NBPF20: variants seen among roughly 807,000 people sequenced by gnomAD.
The protein encoded by NBPF20 is NBPF member 20, also known as NBPF family member NBPF20.
In NBPF20, 90 loss-of-function variants were observed where a neutral mutation model predicts 68.1. The observed-to-expected ratio is 1.32, with a 90% CI of 1.11 to 1.58. The LOEUF (loss-of-function observed/expected upper bound fraction) is 1.58. Among genes scored for constraint, NBPF20 ranks in the 40% most tolerant of loss-of-function variants. The pLI, the probability that NBPF20 is intolerant of heterozygous loss-of-function variation, is 0.00. For synonymous variants in NBPF20, 290 were observed against 228.1 expected (o/e 1.27, Z -2.45); for missense variants, 816 against 601.2 (o/e 1.36, Z -3.74).
At chr1:145,311,809 G>A (rs1661489062) in intron 112 of NBPF20, among the ~76,000 whole-genome samples, 5 of 95,064 alleles carry the variant, frequency 5.3e-5, no homozygotes, top group Non-Finnish European at 1.0e-4. Flanking sequence ...GAGAAAAACT[G>A]CACTATTCAG....
chr1:145,352,332 C>A lies in NBPF20; in HGVS notation c.7350-243G>T, dbSNP rs1162224949. 2.2e-5 allele frequency among the ~76,000 whole-genome samples: 2 copies of A among 89,386 alleles called. 1 individual carries two copies. Among genetic ancestry groups the A allele is most frequent in the East Asian group, 6.8e-4 (2 of 2,958 alleles). 58.6% of individuals were successfully genotyped at this position (89,386 alleles called of 152,430 possible). ...ACACACACACACACACACACACAGA[C>A]ACACACACACACACAGAGAGAACGA... On this transcript the variant is annotated intron_variant, in intron 61 of 137. Coordinates refer to ENST00000369373, the Ensembl canonical transcript of NBPF20.
intron 6 of NBPF20, among the ~76,000 whole-genome samples, 152 bp from the exon 12 acceptor site, chr1:145,399,252 T>G (rs1662397277): frequency 6.6e-6 from 1 of 152,066 alleles, no homozygotes; most frequent in African/African-American, 2.4e-5. Context: ...CTAGATTAAC[T>G]TTGGTGAGAA....
chr1:145,338,027 A>AC, intron 79 of NBPF20, among the ~76,000 whole-genome samples: 1 of 94,464 alleles, frequency 1.1e-5, no homozygotes, highest in Middle Eastern at 5.7e-3. Context: ...ACACACACAC[A>AC]CACACACACA....
chr1:145,410,870 TG>T, the NBPF20 span, among the ~76,000 whole-genome samples: 2 of 135,892 alleles, frequency 1.5e-5, no homozygotes, highest in Admixed American at 7.3e-5. Flanking sequence ...TTCAAAACGG[TG>T]AATATATATA....
Position 145,397,704 on chromosome 1 carries a change from A to G in NBPF20, c.827+1345T>C, listed in dbSNP as rs1414090835. Among the ~76,000 whole-genome samples the G allele has an allele frequency of 2.0e-5, 3 of 152,354 alleles. No homozygotes were observed. In the South Asian group the frequency reaches 6.2e-4, roughly 32 times the overall value. ...ATGGGCGAAATAACCAGCTAATATC[A>G]TAACGACAGGATCAAATTCACACAT... On this transcript the variant is annotated intron_variant, in intron 7 of 137. Transcript: ENST00000369373.
chr1:145,393,707 G>A (rs1485419806), intron 9 of NBPF20, 177 bp downstream of exon 14: 4 of 1,475,870 alleles, frequency 2.7e-6, no homozygotes. Flanking sequence ...GATAAGGGTA[G>A]GAAGAAATGG....
chr1:145,394,181 C>T (rs1425457018), intron 8 of NBPF20, among the ~76,000 whole-genome samples: 4 of 152,122 alleles, frequency 2.6e-5, no homozygotes, highest in African/African-American at 7.2e-5. Flanking sequence ...CTGTCCTAGG[C>T]TTCTGTACAC....
chr1:145,393,580 A>T (rs1219734018), intron 9 of NBPF20: 6 of 647,060 alleles, frequency 9.3e-6, no homozygotes, highest in East Asian at 2.7e-5. Flanking sequence ...CACTGTGAAC[A>T]GTGATCATGA....
chr1:145,291,529 T>C (rs372081131), exon 138 of NBPF20: 5 of 1,612,028 alleles, frequency 3.1e-6, no homozygotes, highest in African/African-American at 2.7e-5. Context: ...GGGCTGTTTA[T>C]TGTGGGAATA....
At chr1:145,408,504 C>A (rs1381849890), upstream of NBPF20, among the ~76,000 whole-genome samples, 9 of 152,164 alleles carry the variant, frequency 5.9e-5, no homozygotes, top group African/African-American at 2.2e-4. Flanking sequence ...ACCATTACTA[C>A]TGTTTTAAAA....
intron 137 of NBPF20, among the ~76,000 whole-genome samples, chr1:145,292,027 T>A (rs1221008499): frequency 1.4e-4 from 21 of 149,510 alleles, no homozygotes; most frequent in Non-Finnish European, 2.8e-4. Context: ...CCAGGTGACA[T>A]ACTGGTAAGG....
At chr1:145,298,351 C>G (rs1225923342) in intron 129 of NBPF20, among the ~76,000 whole-genome samples, 7 of 142,196 alleles carry the variant, frequency 4.9e-5, no homozygotes, top group African/African-American at 1.8e-4. Flanking sequence ...CACACACACA[C>G]ACACAGACAC....
At chr1:145,295,054 A>T in intron 133 of NBPF20, 100 bp from the exon 139 acceptor site, 1 of 396,950 alleles carries the variant, frequency 2.5e-6, no homozygotes, top group Non-Finnish European at 4.2e-6. Context: ...GTTTAAAAAG[A>T]AAAAGGACAG....
At chr1:145,390,333 C>G (rs1661942951) in intron 13 of NBPF20, among the ~76,000 whole-genome samples, 1 of 64,832 alleles carries the variant, frequency 1.5e-5, no homozygotes, top group Non-Finnish European at 2.6e-5. Context: ...CACACACACA[C>G]ACACACACAC....
intron 136 of NBPF20, 75 bp from the exon 142 acceptor site, chr1:145,292,564 T>A (rs1166485335): frequency 5.5e-6 from 4 of 733,232 alleles, no homozygotes; most frequent in East Asian, 2.5e-5. Context: ...TGTCTAATCC[T>A]CACACAGGGA....
At chr1:145,411,276 T>C in the NBPF20 span, among the ~76,000 whole-genome samples, 1 of 150,586 alleles carries the variant, frequency 6.6e-6, no homozygotes, top group Non-Finnish European at 1.5e-5. Flanking sequence ...TTCTGATCCA[T>C]GACAAGGTTT....
intron 109 of NBPF20, among the ~76,000 whole-genome samples, chr1:145,314,267 C>CAGAG (rs1250510283): frequency 7.9e-6 from 1 of 126,190 alleles, no homozygotes; most frequent in Non-Finnish European, 1.7e-5. Flanking sequence ...CACACACACA[C>CAGAG]AGAGAGAGAA....
At chr1:145,423,538 C>T in the NBPF20 span, among the ~76,000 whole-genome samples, 3 of 151,570 alleles carry the variant, frequency 2.0e-5, no homozygotes, top group Admixed American at 1.3e-4. Context: ...AAATGCAATA[C>T]ATATATATCG....
At chr1:145,408,962 G>A (rs1372016165), upstream of NBPF20, among the ~76,000 whole-genome samples, 1 of 149,576 alleles carries the variant, frequency 6.7e-6, no homozygotes, top group East Asian at 2.0e-4. Context: ...TTTAAAATGT[G>A]TAATTCAATG....
Sources: gnomAD v4.1 joint callset for allele counts (sites outside exome capture counted in the v4.1 genomes callset) on GRCh38, gnomAD v4.1.1 for gene constraint, MANE v1.5 for transcripts, NCBI Gene and HGNC (gene_info 2026-07-23, HGNC 2026-07-21) for gene names.